ADGRB3: variants seen among roughly 807,000 people sequenced by gnomAD.
ADGRB3 encodes the protein adhesion G protein-coupled receptor B3.
Under a neutral mutation model 193.4 loss-of-function variants are expected in ADGRB3, and 37 were observed. The observed-to-expected ratio is 0.19, with a 90% CI of 0.15 to 0.25. The LOEUF (loss-of-function observed/expected upper bound fraction) is 0.25. Among genes scored for constraint, ADGRB3 ranks in the 10% least tolerant of loss-of-function variants. ADGRB3 has a pLI of 1.00. For missense variants in ADGRB3, 1,637 were observed against 1,852.9 expected (o/e 0.88, Z 2.14); for synonymous variants, 690 against 644.2 (o/e 1.07, Z -1.08).
chr6:69,076,061 CA>C (rs1186252129), intron 17 of ADGRB3, 23 bp downstream of exon 17: 1 of 1,607,734 alleles, frequency 6.2e-7, no homozygotes, highest in Non-Finnish European at 8.5e-7. Context: ...TGTTTTCCTA[CA>C]TTACTTTGGG....
chr6:68,769,269 G>A (rs1363904164), intron 3 of ADGRB3, among the ~76,000 whole-genome samples: 2 of 152,228 alleles, frequency 1.3e-5, no homozygotes, highest in East Asian at 3.9e-4. Flanking sequence ...ATTCACAATA[G>A]CAAAGAGTTG....
chr6:69,354,799 C>A (rs1049383070), intron 27 of ADGRB3, among the ~76,000 whole-genome samples: 1 of 152,064 alleles, frequency 6.6e-6, no homozygotes, highest in African/African-American at 2.4e-5. Flanking sequence ...AAGATGAGAA[C>A]CACTGTTCTA....
At chr6:69,311,904 C>T (rs1332141430) in intron 20 of ADGRB3, among the ~76,000 whole-genome samples, 1 of 151,820 alleles carries the variant, frequency 6.6e-6, no homozygotes, top group Non-Finnish European at 1.5e-5. Context: ...CTCATACCTA[C>T]ATCCTCTTTT....
chr6:69,249,093 T>TTA (rs1766562409), intron 20 of ADGRB3, among the ~76,000 whole-genome samples: 1 of 152,208 alleles, frequency 6.6e-6, no homozygotes, highest in Non-Finnish European at 1.5e-5. Flanking sequence ...TTCTCCTGCC[T>TTA]TAGCCTCCTG....
In ADGRB3 at chr6:69,202,527, C is replaced by A. The variant is rs908608824; in HGVS notation, c.2481-30763C>A. ...TGTCTCAAAATTGTCCTATAAACCACAACTTGCACCTGCAATATTAATAGA... is the reference window on the plus strand; with the variant it reads ...TGTCTCAAAATTGTCCTATAAACCAAAACTTGCACCTGCAATATTAATAGA... On this transcript the variant is annotated intron_variant, in intron 17 of 31. Coordinates refer to ENST00000370598, the MANE Select transcript of ADGRB3 (RefSeq NM_001704.3). 7.2e-5 allele frequency among the ~76,000 whole-genome samples: 11 copies of A among 152,174 alleles called. No individual in the cohort carries two copies. The South Asian group carries it at 2.3e-3, about 32-fold the overall frequency.
chr6:69,110,635 G>A (rs759402053), intron 17 of ADGRB3, among the ~76,000 whole-genome samples: 138 of 152,056 alleles, frequency 9.1e-4, no homozygotes, highest in Non-Finnish European at 1.9e-3. Context: ...AGTACTAGAA[G>A]ATAAGAAGTT....
chr6:69,334,473 C>T (rs967095343), intron 24 of ADGRB3, among the ~76,000 whole-genome samples: 10 of 152,052 alleles, frequency 6.6e-5, no homozygotes, highest in Admixed American at 2.0e-4. Flanking sequence ...TCTTCCTGAG[C>T]GGGGATCACT....
intron 3 of ADGRB3, among the ~76,000 whole-genome samples, chr6:68,719,486 C>A (rs1335632602): frequency 6.6e-6 from 1 of 151,692 alleles, no homozygotes; most frequent in Non-Finnish European, 1.5e-5. Context: ...AGAGTGAGAG[C>A]GTAAGATAAA....
At chr6:69,198,441 G>C (rs1230611419) in intron 17 of ADGRB3, among the ~76,000 whole-genome samples, 1 of 152,076 alleles carries the variant, frequency 6.6e-6, no homozygotes, top group South Asian at 2.1e-4. Flanking sequence ...AAAAAGTAGG[G>C]TGAAAAGATG....
intron 20 of ADGRB3, among the ~76,000 whole-genome samples, chr6:69,310,137 G>T (rs1027254092): frequency 1.3e-5 from 2 of 151,662 alleles, no homozygotes; most frequent in African/African-American, 2.4e-5. Context: ...AAAATATTTG[G>T]TAAGATCTAT....
chr6:68,829,452 T>C (rs1223679823), intron 3 of ADGRB3, among the ~76,000 whole-genome samples: 45 of 152,060 alleles, frequency 3.0e-4, no homozygotes, highest in Non-Finnish European at 1.0e-4. Context: ...AGATCATTGC[T>C]GTAGAACCAA....
At chr6:69,196,243 A>T (rs971254717) in intron 17 of ADGRB3, among the ~76,000 whole-genome samples, 1 of 152,138 alleles carries the variant, frequency 6.6e-6, no homozygotes, top group African/African-American at 2.4e-5. Flanking sequence ...TGCCAATTTC[A>T]TATGAATTAG....
chr6:69,030,986 C>A (rs1310666417), intron 13 of ADGRB3, among the ~76,000 whole-genome samples: 1 of 118,342 alleles, frequency 8.5e-6, no homozygotes, highest in East Asian at 2.1e-4. Context: ...CTTTTCTTTT[C>A]TTTTCTTTCT....
At chr6:68,953,677 T>C (rs1767991659) in intron 6 of ADGRB3, among the ~76,000 whole-genome samples, 1 of 152,194 alleles carries the variant, frequency 6.6e-6, no homozygotes, top group African/African-American at 2.4e-5. Flanking sequence ...GATGCTAAAA[T>C]TACATTAATG....
chr6:69,208,796 C>T (rs944208213), intron 17 of ADGRB3, among the ~76,000 whole-genome samples: 1 of 152,164 alleles, frequency 6.6e-6, no homozygotes, highest in Non-Finnish European at 1.5e-5. Context: ...AGCCCAATCA[C>T]ATATATACCA....
chr6:69,041,300 G>A (rs1271803283), intron 13 of ADGRB3, among the ~76,000 whole-genome samples: 4 of 152,034 alleles, frequency 2.6e-5, no homozygotes, highest in African/African-American at 4.8e-5. Context: ...CCTAAAATAC[G>A]ATTTTTCATA....
At chr6:69,147,769 G>A (rs1774546473) in intron 17 of ADGRB3, among the ~76,000 whole-genome samples, 1 of 152,134 alleles carries the variant, frequency 6.6e-6, no homozygotes, top group East Asian at 1.9e-4. Flanking sequence ...TATTGTACTG[G>A]GGTCTATCTC....
Position 69,211,645 on chromosome 6 carries a change from T to C in ADGRB3, c.2481-21645T>C, listed in dbSNP as rs575421891. On this transcript the variant is annotated intron_variant, in intron 17 of 31. Coordinates refer to ENST00000370598, the MANE Select transcript of ADGRB3 (RefSeq NM_001704.3). ...TTATCTTCCTCTCATTTATATTATA[T>C]AAGATATTTATTAGTTTATATTATC... 1.2e-4 allele frequency among the ~76,000 whole-genome samples: 19 copies of C among 152,284 alleles called. No individual in the cohort carries two copies. The South Asian group carries it at 2.1e-3, about 17-fold the overall frequency.
chr6:69,338,745 C>G (rs1406308722), intron 24 of ADGRB3, among the ~76,000 whole-genome samples, 171 bp from the exon 25 acceptor site: 1 of 152,166 alleles, frequency 6.6e-6, no homozygotes, highest in African/African-American at 2.4e-5. Context: ...GTAAATGTTA[C>G]AAAGATAATT....
Sources: allele counts gnomAD v4.1 joint callset (sites outside exome capture counted in the v4.1 genomes callset), GRCh38; gene constraint gnomAD v4.1.1; transcripts MANE v1.5; gene names NCBI Gene and HGNC (gene_info 2026-07-23, HGNC 2026-07-21).